MYH15: variants seen among roughly 807,000 people sequenced by gnomAD.
The protein encoded by MYH15 is myosin heavy chain 15.
MYH15 carries 227 observed loss-of-function variants against 240.5 expected under a neutral mutation model. The observed-to-expected ratio is 0.94, with a 90% CI of 0.85 to 1.05. MYH15 has a LOEUF of 1.05. Ranked by LOEUF, MYH15 falls within the 50% of genes least tolerant of loss-of-function variation. The pLI, the probability that MYH15 is intolerant of heterozygous loss-of-function variation, is 0.00. For synonymous variants in MYH15, 785 were observed against 796.7 expected (o/e 0.99, Z 0.25); for missense variants, 2,217 against 2,247.5 (o/e 0.99, Z 0.27).
At chr3:108,526,624 TC>T (rs1363081285) in intron 1 of MYH15, among the ~76,000 whole-genome samples, 2 of 152,202 alleles carry the variant, frequency 1.3e-5, no homozygotes, top group Non-Finnish European at 2.9e-5. Context: ...TCAGATGTTT[TC>T]CAGGGATTTT....
At chr3:108,382,687 T>C (rs1295037367) in intron 40 of MYH15, among the ~76,000 whole-genome samples, 1 of 152,142 alleles carries the variant, frequency 6.6e-6, no homozygotes, top group Non-Finnish European at 1.5e-5. Flanking sequence ...GCAAGAGTCT[T>C]GCTTTGTAGT....
chr3:108,470,439 A>T (rs1054349143), intron 13 of MYH15, among the ~76,000 whole-genome samples: 1 of 152,194 alleles, frequency 6.6e-6, no homozygotes, highest in African/African-American at 2.4e-5. Context: ...ATGGTATTAA[A>T]ATTTAAAATC....
At chr3:108,448,558 C>T (rs1414750784) in intron 21 of MYH15, among the ~76,000 whole-genome samples, 1 of 151,934 alleles carries the variant, frequency 6.6e-6, no homozygotes, top group Non-Finnish European at 1.5e-5. Flanking sequence ...ATATAAATAT[C>T]TTTATATTTG....
At position 108,429,182 on chromosome 3, in the gene MYH15, C is replaced by CA. The variant is rs1299675488; in HGVS notation, c.3313-302dup. On this transcript the variant is annotated intron_variant, in intron 26 of 40. Transcript: ENST00000693548. Reference sequence around the variant, plus strand: ...AACAGGAAAATATCTTTCATACGACCAAAAAAACTGTTTAAGAGCATTTAT... The same window carrying CA: ...AACAGGAAAATATCTTTCATACGACCAAAAAAAACTGTTTAAGAGCATTTAT... Among the ~76,000 whole-genome samples the CA allele has an allele frequency of 2.6e-5, 4 of 151,846 alleles. No homozygotes were observed. The East Asian group carries it at 7.7e-4, about 29-fold the overall frequency.
At chr3:108,381,635 C>A in intron 40 of MYH15, 76 bp from the exon 41 acceptor site, 1 of 1,533,444 alleles carries the variant, frequency 6.5e-7, no homozygotes, top group East Asian at 2.2e-5. Context: ...CAGAACCAAG[C>A]TGAGTCCCTT....
intron 21 of MYH15, among the ~76,000 whole-genome samples, chr3:108,445,940 G>A (rs2082924162): frequency 1.3e-5 from 2 of 151,688 alleles, no homozygotes; most frequent in Non-Finnish European, 2.9e-5. Context: ...AAATACTGGG[G>A]AAAAAAAACT....
At position 108,421,132 on chromosome 3, in the gene MYH15, G is replaced by A. The variant is rs773624503; in HGVS notation, c.3785C>T (p.Ala1262Val). Residue 1262 changes from alanine (A) to valine (V), a missense_variant, in exon 28 of 41, where the codon GCA (alanine) becomes GTA (valine). By Grantham distance (64) the Ala-to-Val change is moderately conservative. Transcript: ENST00000693548. ...TAKLDKVTQL[A>V]NDLAAQKTKL... ...TGTCTTTTGTGCTGCCAGGTCATTT[G>A]CCAACTGAGTCACCTTATCTAGCTT... The A allele has an allele frequency of 5.0e-6, 8 of 1,613,970 alleles. No homozygotes were observed. In the South Asian group the frequency reaches 8.8e-5, roughly 18 times the overall value.
At chr3:108,447,060 G>A (rs2082934535) in intron 21 of MYH15, among the ~76,000 whole-genome samples, 1 of 152,036 alleles carries the variant, frequency 6.6e-6, no homozygotes, top group African/African-American at 2.4e-5. Context: ...TAGAAATTCT[G>A]GAATTGAAGA....
At position 108,383,579 on chromosome 3, in the gene MYH15, T is replaced by C. The variant is rs1311793290; in HGVS notation, c.5766+16A>G. The C allele has an allele frequency of 6.2e-7, 1 of 1,611,846 alleles. No individual in the cohort carries two copies. Among genetic ancestry groups the C allele is most frequent in the Admixed American group, 1.7e-5 (1 of 59,908 alleles). ...CATGATTAAAGAGTTAGAACAGAGT[T>C]GAATATCTGCCATACCTTTTTCCCA... On this transcript the variant is annotated intron_variant, in intron 40 of 40. Coordinates refer to ENST00000693548, the MANE Select transcript of MYH15 (RefSeq NM_014981.3).
At chr3:108,492,643 A>T (rs1196193312) in intron 8 of MYH15, 48 bp from the exon 9 acceptor site, 9 of 1,435,692 alleles carry the variant, frequency 6.3e-6, no homozygotes, top group Non-Finnish European at 7.8e-6. Context: ...CATTCTTGCA[A>T]AATGTAGAAG....
chr3:108,505,664 T>C (rs2083470190), intron 2 of MYH15, 59 bp downstream of exon 2: 1 of 911,866 alleles, frequency 1.1e-6, no homozygotes, highest in South Asian at 2.1e-5. Flanking sequence ...AGAAATAATA[T>C]ATTTAGTTAT....
chr3:108,447,248 T>C (rs1659581923), intron 21 of MYH15, among the ~76,000 whole-genome samples: 1 of 152,050 alleles, frequency 6.6e-6, no homozygotes, highest in South Asian at 2.1e-4. Context: ...AGCTTACCAA[T>C]ATACACATTA....
upstream of MYH15, among the ~76,000 whole-genome samples, chr3:108,511,565 A>G (rs994120408): frequency 3.9e-5 from 6 of 152,226 alleles, no homozygotes; most frequent in African/African-American, 9.6e-5. Context: ...AGGGAGAAGA[A>G]GAAATGGAAA....
intron 1 of MYH15, among the ~76,000 whole-genome samples, chr3:108,524,269 T>A (rs963031522): frequency 6.6e-6 from 1 of 152,074 alleles, no homozygotes; most frequent in Non-Finnish European, 1.5e-5. Flanking sequence ...AATATTTCAT[T>A]GTTAGTTTAA....
chr3:108,391,912 C>T lies in MYH15; in HGVS notation c.5278G>A (p.Glu1760Lys), dbSNP rs1450211542. 3.7e-6 allele frequency: 6 copies of T among 1,613,910 alleles called. No individual in the cohort carries two copies. Among genetic ancestry groups the T allele is most frequent in the East Asian group, 2.2e-5 (1 of 44,892 alleles). The change falls in exon 37 of 41, where the codon GAA (glutamate) becomes AAA (lysine). Residue 1760 changes from glutamate to lysine, a missense_variant. By Grantham distance (56) the Glu-to-Lys change is moderately conservative. Transcript: ENST00000693548. The stretch of plus-strand genomic sequence containing the variant: ...ATGGTGTCTTGCTTCTTCTTCAGTT[C>T]TTCTGACAAGTTTGCTGCCTAGGGG... ...AAIEAANLSE[E>K]LKKKQDTIAH... is the part of the protein sequence containing the mutation.
the MYH15 span, among the ~76,000 whole-genome samples, chr3:108,540,426 A>C: frequency 6.6e-6 from 1 of 152,220 alleles, no homozygotes; most frequent in East Asian, 1.9e-4. Context: ...ACTGACATGG[A>C]GTATGAGCCA....
At chr3:108,431,058 C>T (rs894785415) in intron 25 of MYH15, 136 bp from the exon 26 acceptor site, 3 of 635,546 alleles carry the variant, frequency 4.7e-6, no homozygotes, top group Admixed American at 5.1e-5. Flanking sequence ...CCCTGATTTA[C>T]TCATTGTACA....
At chr3:108,476,663 C>G (rs2083224310) in intron 11 of MYH15, 148 bp from the exon 12 acceptor site, 1 of 523,068 alleles carries the variant, frequency 1.9e-6, no homozygotes, top group East Asian at 3.0e-5. Flanking sequence ...CAAATAAATG[C>G]CTGAATCCTA....
intron 9 of MYH15, among the ~76,000 whole-genome samples, chr3:108,491,960 G>A (rs2083351516): frequency 6.6e-6 from 1 of 151,894 alleles, no homozygotes; most frequent in Non-Finnish European, 1.5e-5. Flanking sequence ...AACTCCCTGA[G>A]CCAGACACGG....
Sources: gnomAD v4.1 joint callset for allele counts (sites outside exome capture counted in the v4.1 genomes callset) on GRCh38, gnomAD v4.1.1 for gene constraint, MANE v1.5 for transcripts, NCBI Gene and HGNC (gene_info 2026-07-23, HGNC 2026-07-21) for gene names.